AGBL4: variants seen among roughly 807,000 people sequenced by gnomAD.
AGBL4 encodes the protein AGBL carboxypeptidase 4.
Under a neutral mutation model 66.4 loss-of-function variants are expected in AGBL4, and 58 were observed. That is an observed-to-expected ratio of 0.87 (90% CI 0.71 to 1.09). The LOEUF is 1.09. Ranked by LOEUF, AGBL4 falls within the 50% of genes least tolerant of loss-of-function variation. The probability of loss-of-function intolerance (pLI) is 0.00; values close to 1 mark genes in which losing one functional copy is unlikely to be tolerated. For missense variants in AGBL4, 579 were observed against 631.0 expected (o/e 0.92, Z 0.88); for synonymous variants, 234 against 222.9 (o/e 1.05, Z -0.44).
At chr1:48,552,956 C>T (rs573264990) in intron 11 of AGBL4, among the ~76,000 whole-genome samples, 2 of 152,116 alleles carry the variant, frequency 1.3e-5, no homozygotes, top group Non-Finnish European at 2.9e-5. Flanking sequence ...TTCTAGCACA[C>T]CTCAATACCC....
chr1:49,189,210 A>G (rs1268094641), intron 4 of AGBL4, among the ~76,000 whole-genome samples: 2 of 152,196 alleles, frequency 1.3e-5, no homozygotes, highest in East Asian at 3.9e-4. Context: ...GGACCATCAG[A>G]GAGAATCCTC....
chr1:48,725,847 G>A (rs574974861), intron 6 of AGBL4, among the ~76,000 whole-genome samples: 21 of 152,282 alleles, frequency 1.4e-4, no homozygotes, highest in African/African-American at 4.8e-4. Context: ...GAAGCCTCCC[G>A]ATTACATCAG....
intron 4 of AGBL4, among the ~76,000 whole-genome samples, chr1:49,139,193 CA>C (rs1167462472): frequency 3.3e-5 from 5 of 152,118 alleles, no homozygotes; most frequent in Non-Finnish European, 5.9e-5. Context: ...TGGGTGGAGA[CA>C]CAGAACCAAA....
chr1:49,759,914 A>C (rs560126267), intron 2 of AGBL4, among the ~76,000 whole-genome samples: 3 of 152,300 alleles, frequency 2.0e-5, no homozygotes, highest in African/African-American at 7.2e-5. Context: ...ATAAATCCAT[A>C]ATGACAGGAA....
chr1:49,738,656 A>G lies in AGBL4; in HGVS notation c.158-41219T>C, dbSNP rs543998464. The stretch of plus-strand genomic sequence containing the variant: ...GTAGCCTAACTGGGAGGCACCCCCC[A>G]GTAGGGGCAGACTGACACCTCACAC... On this transcript the variant is annotated intron_variant, in intron 2 of 13. Transcript: ENST00000371839. 2.0e-5 allele frequency among the ~76,000 whole-genome samples: 3 copies of G among 152,312 alleles called. No homozygotes were observed. The East Asian group carries it at 5.8e-4, about 30-fold the overall frequency.
At chr1:49,486,198 T>C (rs929231540) in intron 3 of AGBL4, among the ~76,000 whole-genome samples, 1 of 152,042 alleles carries the variant, frequency 6.6e-6, no homozygotes, top group African/African-American at 2.4e-5. Context: ...TGTACTCTTT[T>C]TCAAATATGT....
intron 1 of AGBL4, among the ~76,000 whole-genome samples, chr1:50,000,278 T>C (rs1660651619): frequency 6.6e-6 from 1 of 152,072 alleles, no homozygotes; most frequent in Non-Finnish European, 1.5e-5. Context: ...CAGACAATTA[T>C]CAAAAGAAGA....
intron 11 of AGBL4, 80 bp from the exon 12 acceptor site, chr1:48,539,818 A>C: frequency 1.0e-6 from 1 of 968,388 alleles, no homozygotes; most frequent in Non-Finnish European, 1.4e-6. Flanking sequence ...AAAAATAATA[A>C]CAGTAATAAA....
At chr1:49,325,764 T>C (rs1158466012) in intron 3 of AGBL4, among the ~76,000 whole-genome samples, 1 of 152,220 alleles carries the variant, frequency 6.6e-6, no homozygotes, top group Non-Finnish European at 1.5e-5. Flanking sequence ...GATTGGATCA[T>C]GGGGATGGAT....
chr1:49,075,589 C>T (rs1300733200), intron 4 of AGBL4, among the ~76,000 whole-genome samples: 1 of 152,034 alleles, frequency 6.6e-6, no homozygotes, highest in Non-Finnish European at 1.5e-5. Context: ...TGCAGGCAAA[C>T]AGCAATATAC....
At chr1:49,985,624 G>A (rs937118680) in intron 1 of AGBL4, among the ~76,000 whole-genome samples, 8 of 152,064 alleles carry the variant, frequency 5.3e-5, no homozygotes, top group African/African-American at 1.9e-4. Context: ...CAGTACACAC[G>A]GGCCTTTCAG....
intron 3 of AGBL4, among the ~76,000 whole-genome samples, chr1:49,289,115 T>C (rs2148422881): frequency 6.6e-6 from 1 of 151,860 alleles, no homozygotes; most frequent in East Asian, 1.9e-4. Context: ...TTTAAAACAA[T>C]TATAATGAAT....
At chr1:49,867,609 T>A (rs143094104) in intron 1 of AGBL4, among the ~76,000 whole-genome samples, 95 of 150,686 alleles carry the variant, frequency 6.3e-4, no homozygotes, top group African/African-American at 2.3e-3. Flanking sequence ...AAGAATTTCA[T>A]ATCTGGCCAA....
chr1:49,655,206 G>C (rs1485972154), intron 3 of AGBL4, among the ~76,000 whole-genome samples: 4 of 152,078 alleles, frequency 2.6e-5, no homozygotes. Flanking sequence ...AGCTTAGTTT[G>C]GCTGGATATG....
intron 3 of AGBL4, among the ~76,000 whole-genome samples, chr1:49,541,381 G>A (rs966618787): frequency 6.6e-6 from 1 of 152,192 alleles, no homozygotes; most frequent in African/African-American, 2.4e-5. Flanking sequence ...TTGTGGGCCA[G>A]CATGAGTTCC....
intron 3 of AGBL4, among the ~76,000 whole-genome samples, chr1:49,634,653 T>C (rs1645636453): frequency 6.6e-6 from 1 of 152,214 alleles, no homozygotes; most frequent in African/African-American, 2.4e-5. Flanking sequence ...TCTTCCACAA[T>C]GGTTGAACTA....
chr1:49,288,705 G>A (rs983884041), intron 3 of AGBL4, among the ~76,000 whole-genome samples: 36 of 152,224 alleles, frequency 2.4e-4, no homozygotes, highest in African/African-American at 8.2e-4. Flanking sequence ...GGCCTACCAA[G>A]TTGGAAAATT....
chr1:48,565,871 A>G (rs1233470906), intron 11 of AGBL4, among the ~76,000 whole-genome samples: 1 of 152,192 alleles, frequency 6.6e-6, no homozygotes, highest in Non-Finnish European at 1.5e-5. Context: ...AACTTCACTG[A>G]GAAGTCATTA....
chr1:48,678,140 G>C (rs1422096110), intron 6 of AGBL4, among the ~76,000 whole-genome samples: 1 of 152,150 alleles, frequency 6.6e-6, no homozygotes, highest in South Asian at 2.1e-4. Flanking sequence ...ACAGCGCTAG[G>C]ATGGTCAGGC....
Sources: allele counts gnomAD v4.1 joint callset (sites outside exome capture counted in the v4.1 genomes callset), GRCh38; gene constraint gnomAD v4.1.1; transcripts MANE v1.5; gene names NCBI Gene and HGNC (gene_info 2026-07-23, HGNC 2026-07-21).